LRRC8D: variants seen among roughly 807,000 people sequenced by gnomAD.
LRRC8D encodes volume-regulated anion channel subunit LRRC8D.
In LRRC8D, 20 loss-of-function variants were observed where a neutral mutation model predicts 55.8. That is an observed-to-expected ratio of 0.36 (90% CI 0.25 to 0.52). LRRC8D has a LOEUF of 0.52. LRRC8D is among the 20% of genes least tolerant of loss of function. The pLI, the probability that LRRC8D is intolerant of heterozygous loss-of-function variation, is 0.93. For synonymous variants in LRRC8D, 352 were observed against 377.0 expected (o/e 0.93, Z 0.77); for missense variants, 651 against 1,030.8 (o/e 0.63, Z 5.05).
chr1:89,865,994 TTTG>T (rs1480057583), intron 2 of LRRC8D, among the ~76,000 whole-genome samples: 1 of 152,214 alleles, frequency 6.6e-6, no homozygotes, highest in Non-Finnish European at 1.5e-5. Context: ...AACAGAACTT[TTTG>T]TTATCATTGC....
intron 2 of LRRC8D, among the ~76,000 whole-genome samples, chr1:89,852,722 T>A (rs1318570640): frequency 6.6e-6 from 1 of 152,186 alleles, no homozygotes; most frequent in African/African-American, 2.4e-5. Flanking sequence ...ATTTTGGTGC[T>A]GAATTTTGAG....
At chr1:89,836,215 TGTTA>T (rs1211013508) in intron 1 of LRRC8D, among the ~76,000 whole-genome samples, 3 of 152,380 alleles carry the variant, frequency 2.0e-5, no homozygotes, top group African/African-American at 4.8e-5. Context: ...TACTCTCATT[TGTTA>T]GTTCTAAATC....
At chr1:89,924,536 T>G (rs906171346) in intron 2 of LRRC8D, among the ~76,000 whole-genome samples, 1 of 152,198 alleles carries the variant, frequency 6.6e-6, no homozygotes, top group Admixed American at 6.5e-5. Context: ...AAAACAGAAC[T>G]ATAATTCAAC....
intron 2 of LRRC8D, among the ~76,000 whole-genome samples, chr1:89,884,554 G>A (rs754279614): frequency 9.2e-5 from 14 of 152,168 alleles, no homozygotes; most frequent in African/African-American, 2.7e-4. Context: ...TTTTTCAGGC[G>A]TTGACATTGG....
chr1:89,906,450 A>C (rs2100927775), intron 2 of LRRC8D, among the ~76,000 whole-genome samples: 1 of 152,358 alleles, frequency 6.6e-6, no homozygotes, highest in South Asian at 2.1e-4. Flanking sequence ...TAACTGAAAC[A>C]ACCCCAAAAT....
intron 2 of LRRC8D, among the ~76,000 whole-genome samples, chr1:89,901,687 C>T (rs1315969370): frequency 2.0e-5 from 3 of 152,140 alleles, no homozygotes; most frequent in Admixed American, 6.5e-5. Flanking sequence ...AAGCAGACAC[C>T]GTGCTCAAAT....
At chr1:89,834,805 C>G (rs77383817) in intron 1 of LRRC8D, among the ~76,000 whole-genome samples, 1 of 151,954 alleles carries the variant, frequency 6.6e-6, no homozygotes, top group Non-Finnish European at 1.5e-5. Context: ...GCTGAGGGAA[C>G]GTTGGAGCAG....
intron 2 of LRRC8D, among the ~76,000 whole-genome samples, chr1:89,889,680 G>C (rs542056243): frequency 1.3e-5 from 2 of 151,430 alleles, no homozygotes; most frequent in South Asian, 4.2e-4. Context: ...TCAGGGGTTC[G>C]AGACCAGCCT....
At position 89,933,480 on chromosome 1, in the gene LRRC8D, A is replaced by G. The variant is rs769875757; in HGVS notation, c.412A>G (p.Lys138Glu). ...AGAGAAGAAAGATCCAACAGGTCGA[A>G]AAACAAACTTGGATTTTCAGCAATA... Reference protein sequence around the residue: ...KKEKKDPTGRKTNLDFQQYVF... With the variant: ...KKEKKDPTGRETNLDFQQYVF... Residue 138 changes from lysine to glutamate, a missense_variant, in exon 3 of 3, where the codon AAA (lysine) becomes GAA (glutamate). By Grantham distance (56) the Lys-to-Glu change is moderately conservative. Coordinates refer to ENST00000337338, the MANE Select transcript of LRRC8D (RefSeq NM_001134479.2). The surrounding 1 kb of genome is among the most constrained non-coding windows in gnomAD (Gnocchi z 7.0). 8 of 1,614,076 alleles carry G rather than the reference A, an allele frequency of 5.0e-6. No individual in the cohort carries two copies. The African/African-American group carries it at 9.3e-5, about 19-fold the overall frequency.
At chr1:89,924,610 C>T (rs1296117508) in intron 2 of LRRC8D, among the ~76,000 whole-genome samples, 2 of 152,140 alleles carry the variant, frequency 1.3e-5, no homozygotes, top group African/African-American at 2.4e-5. Context: ...AAGATGTGTA[C>T]TTGTATGTTC....
chr1:89,882,882 G>C (rs1662319473), intron 2 of LRRC8D, among the ~76,000 whole-genome samples: 1 of 152,206 alleles, frequency 6.6e-6, no homozygotes, highest in Non-Finnish European at 1.5e-5. Context: ...TTAGGCCCAG[G>C]AAACCACCTG....
At chr1:89,873,114 G>C (rs1035023611) in intron 2 of LRRC8D, among the ~76,000 whole-genome samples, 7 of 152,130 alleles carry the variant, frequency 4.6e-5, no homozygotes, top group Admixed American at 1.3e-4. Flanking sequence ...GTGTGTACAG[G>C]CTTCTGTAAT....
chr1:89,892,943 T>C (rs1302184288), intron 2 of LRRC8D, among the ~76,000 whole-genome samples: 1 of 152,222 alleles, frequency 6.6e-6, no homozygotes, highest in African/African-American at 2.4e-5. Context: ...CAGCTTTCAG[T>C]TGACATGTGG....
At position 89,821,112 on chromosome 1, in the gene LRRC8D, C is replaced by T. The variant is rs1189487689; in HGVS notation, c.-327C>T. 9.8e-5 allele frequency: 15 copies of T among 153,354 alleles called. No homozygotes were observed. The highest frequency in any genetic ancestry group is 3.6e-4 in the African/African-American group (15 of 41,542). 9.5% of individuals were successfully genotyped at this position (153,354 alleles called of 1,614,324 possible). Reference sequence around the variant, plus strand: ...GCCGCTGCCGCCGCCCGTGGTGCCCCGGCTCCTCCGCCGCGCTTCGAGGTG... The same window carrying T: ...GCCGCTGCCGCCGCCCGTGGTGCCCTGGCTCCTCCGCCGCGCTTCGAGGTG... On this transcript the variant is annotated 5_prime_UTR_variant, in exon 1 of 3. Coordinates refer to ENST00000337338, the MANE Select transcript of LRRC8D (RefSeq NM_001134479.2).
chr1:89,869,411 A>G (rs1661939457), intron 2 of LRRC8D, among the ~76,000 whole-genome samples: 2 of 152,248 alleles, frequency 1.3e-5, no homozygotes, highest in South Asian at 4.1e-4. Context: ...ATTAGAGAAG[A>G]AAGAATAAAA....
chr1:89,832,046 A>G (rs547320508), intron 1 of LRRC8D, among the ~76,000 whole-genome samples: 6 of 152,338 alleles, frequency 3.9e-5, no homozygotes, highest in South Asian at 2.1e-4. Context: ...GTCAGGGCAC[A>G]CTGCCGGGAG....
chr1:89,834,162 TA>T (rs1365660307), intron 1 of LRRC8D, among the ~76,000 whole-genome samples: 3 of 152,248 alleles, frequency 2.0e-5, no homozygotes, highest in Admixed American at 1.3e-4. Flanking sequence ...ATTTTCTTTA[TA>T]ACAGAACAAA....
chr1:89,871,993 A>G (rs1299954641), intron 2 of LRRC8D, among the ~76,000 whole-genome samples: 1 of 152,102 alleles, frequency 6.6e-6, no homozygotes, highest in African/African-American at 2.4e-5. Context: ...TTATGTTTCT[A>G]TTGACCTAGT....
rs538437882 is a variant in LRRC8D at position 89,922,785 on chromosome 1, C to T, written c.-2-10282C>T. Among the ~76,000 whole-genome samples the T allele has an allele frequency of 1.6e-4, 24 of 152,332 alleles. No individual in the cohort carries two copies. The South Asian group carries it at 4.8e-3, about 30-fold the overall frequency. ...TAGGCTACAATCATATCTACCTTCA[C>T]TATCCTATTTCTGTTGAAAGGCAGT... is the stretch of plus-strand genomic sequence containing the variant. On this transcript the variant is annotated intron_variant, in intron 2 of 2. Transcript: ENST00000337338.
Sources: gnomAD v4.1 joint callset for allele counts (sites outside exome capture counted in the v4.1 genomes callset) on GRCh38, gnomAD v4.1.1 for gene constraint, Gnocchi (gnomAD v3.1) non-coding constraint, MANE v1.5 for transcripts, NCBI Gene and HGNC (gene_info 2026-07-23, HGNC 2026-07-21) for gene names.